Variants in RAB44 observed in about 807,000 individuals in gnomAD.
The protein encoded by RAB44 is RAB44, member RAS oncogene family.
RAB44 carries 67 observed loss-of-function variants against 93.3 expected under a neutral mutation model. The ratio of observed to expected loss-of-function variants is 0.72; its 90% confidence interval spans 0.59 to 0.88. The LOEUF (loss-of-function observed/expected upper bound fraction) is 0.88. Among genes scored for constraint, RAB44 ranks in the 40% least tolerant of loss-of-function variants. The probability of loss-of-function intolerance (pLI) is 0.00; values close to 1 mark genes in which losing one functional copy is unlikely to be tolerated. For missense variants in RAB44, 1,064 were observed against 1,261.7 expected, an observed-to-expected ratio of 0.84 and a Z score of 2.37; for synonymous variants, 427 against 520.3, an observed-to-expected ratio of 0.82 and a Z score of 2.44.
At position 36,712,822 on chromosome 6, in the gene RAB44, C is replaced by T. The variant is rs931488740; in HGVS notation, c.208-1006C>T. On this transcript the variant is annotated intron_variant, in intron 2 of 13. Transcript: ENST00000612677. ...AGATCACCAAATAGAACATAAAGAC[C>T]ATCACTGGTTTAGACCAGACCATCA... 6.6e-5 allele frequency among the ~76,000 whole-genome samples: 10 copies of T among 152,292 alleles called. No homozygotes were observed. The South Asian group carries it at 8.3e-4, about 13-fold the overall frequency.
At position 36,717,209 on chromosome 6, in the gene RAB44, C is replaced by A; in HGVS notation, c.495-64C>A. 8.2e-7 allele frequency: 1 copy of A among 1,226,854 alleles called. No homozygotes were observed. The highest frequency in any genetic ancestry group is 1.0e-6 in the Non-Finnish European group (1 of 983,630). The allele number at this position is 1,226,854 out of a possible 1,614,324, so 76.0% of individuals were successfully genotyped here. A position where few individuals can be genotyped will look rare whatever the true frequency, so the allele number is the denominator to read the frequency against. ...CAGTGAAAACTGAGGAGTGGGGCTC[C>A]CCTTGCTTCTCCATCCCACCTTGTG... On this transcript the variant is annotated intron_variant, in intron 4 of 13. Transcript: ENST00000612677. The surrounding 1 kb of genome is among the most constrained non-coding windows in gnomAD (Gnocchi z 4.1).
chr6:36,720,522 G>C lies in RAB44; in HGVS notation c.988G>C (p.Val330Leu). 8.1e-7 allele frequency: 1 copy of C among 1,234,016 alleles called. No individual in the cohort carries two copies. Among genetic ancestry groups the C allele is most frequent in the Non-Finnish European group, 1.0e-6 (1 of 988,290 alleles). 76.4% of individuals were successfully genotyped at this position (1,234,016 alleles called of 1,614,324 possible). The change falls in exon 8 of 14, where the codon GTG becomes CTG. Residue 330 changes from valine (V) to leucine (L), a missense_variant. By Grantham distance (32) the Val-to-Leu change is conservative. Transcript: ENST00000612677. Reference protein sequence around the residue: ...RGRLDAARGRVSWQVEEKLSF... With the variant: ...RGRLDAARGRLSWQVEEKLSF... ...GCGCCTGGACGCCGCCAGGGGCCGG[G>C]TGTCCTGGCAGGTGGAGGAGAAACT...
chr6:36,721,059 G>A lies in RAB44; in HGVS notation c.1017-92G>A, dbSNP rs1763062185. ...GACTGGGAGGAGACCTGGCCATGGG[G>A]AGAGCAAGGGATGGTGAGGGCTGCA... On this transcript the variant is annotated intron_variant, in intron 8 of 13. Coordinates refer to ENST00000612677, the MANE Select transcript of RAB44 (RefSeq NM_001257357.2). 7.7e-6 allele frequency: 9 copies of A among 1,165,254 alleles called. No homozygotes were observed. The African/African-American group carries it at 9.5e-5, about 12-fold the overall frequency. The allele number at this position is 1,165,254 out of a possible 1,614,324, so 72.2% of individuals were successfully genotyped here.
At chr6:36,699,628 C>T (rs990456333) in intron 1 of RAB44, among the ~76,000 whole-genome samples, 3 of 152,212 alleles carry the variant, frequency 2.0e-5, no homozygotes, top group South Asian at 4.1e-4. Flanking sequence ...CAGGGAAGAG[C>T]CACCTCTGTA....
chr6:36,720,081 G>T (rs1763032278), intron 7 of RAB44, among the ~76,000 whole-genome samples: 1 of 152,222 alleles, frequency 6.6e-6, no homozygotes, highest in Non-Finnish European at 1.5e-5. Context: ...AGGAGGGTGG[G>T]ATTTGGCTTG....
chr6:36,727,570 T>A lies in RAB44; in HGVS notation c.2682-7T>A. On this transcript the variant is annotated splice_polypyrimidine_tract_variant and splice_region_variant and intron_variant, in intron 10 of 13. Coordinates refer to ENST00000612677, the MANE Select transcript of RAB44 (RefSeq NM_001257357.2). ...CTGGTGTGGCCTCATGCAGACTCTC[T>A]GGGCAGGTACCACAGTATGACGCGA... 6.5e-7 allele frequency: 1 copy of A among 1,548,624 alleles called. No homozygotes were observed. The highest frequency in any genetic ancestry group is 8.7e-7 in the Non-Finnish European group (1 of 1,145,332).
rs1476584017 is a variant in RAB44 at position 36,731,383 on chromosome 6, G to A, written c.2976-620G>A. On this transcript the variant is annotated intron_variant, in intron 13 of 13. Coordinates refer to ENST00000612677, the MANE Select transcript of RAB44 (RefSeq NM_001257357.2). This position sits in a 1 kb window ranked among gnomAD's most constrained non-coding sequence, Gnocchi z 4.0. The stretch of plus-strand genomic sequence containing the variant: ...TGTCCAGGAAGGCAGGGCCATGTCT[G>A]TTTTGTTCAGCCCCTCTCCCCATAC... Among the ~76,000 whole-genome samples, 1 of 152,196 alleles carries A rather than the reference G, an allele frequency of 6.6e-6. No individual in the cohort carries two copies. The highest frequency in any genetic ancestry group is 2.1e-4 in the South Asian group (1 of 4,834).
rs1763109964 is a variant in RAB44 at position 36,722,294 on chromosome 6, C to T, written c.2160C>T (p.Leu720=). 6 of 1,308,300 alleles carry T rather than the reference C, an allele frequency of 4.6e-6. No individual in the cohort carries two copies. Among genetic ancestry groups the T allele is most frequent in the Non-Finnish European group, 5.8e-6 (6 of 1,030,746 alleles). The allele number at this position is 1,308,300 out of a possible 1,614,324, so 81.0% of individuals were successfully genotyped here. ...AGCAAGACTCTCTGCTTGTTTCTCT[C>T]CCATCTGCCACACCACAGGCTCAGG... ...LPQQDSLLVS[L]PSATPQAQVE... The change falls in exon 9 of 14, where the codon CTC becomes CTT. Residue 720 remains leucine, a synonymous_variant. Coordinates refer to ENST00000612677, the MANE Select transcript of RAB44 (RefSeq NM_001257357.2).
intron 9 of RAB44, among the ~76,000 whole-genome samples, chr6:36,723,142 G>C (rs897731800): frequency 5.3e-5 from 8 of 152,240 alleles, no homozygotes; most frequent in Admixed American, 1.3e-4. Flanking sequence ...CCTTGGGCAA[G>C]TTGGATATTT....
rs1562063334 is a variant in RAB44 at position 36,721,582 on chromosome 6, G to T, written c.1448G>T (p.Gly483Val). 29 of 1,234,414 alleles carry T rather than the reference G, an allele frequency of 2.3e-5. No homozygotes were observed. Among genetic ancestry groups the T allele is most frequent in the Admixed American group, 4.2e-5 (1 of 23,706 alleles). The allele number at this position is 1,234,414 out of a possible 1,614,324, so 76.5% of individuals were successfully genotyped here. A position where few individuals can be genotyped will look rare whatever the true frequency, so the allele number is the denominator to read the frequency against. ...ACACCCGAGGGCCGCCTCCTCTGGG[G>T]TCTCTCAGGAAGCCTGGTGGCACCT... The part of the protein sequence containing the change: ...GSTPEGRLLW[G>V]LSGSLVAPAF... The change falls in exon 9 of 14, where the codon GGT becomes GTT. Residue 483 changes from glycine to valine, a missense_variant. Gly to Val is a moderately radical substitution (Grantham distance 109). Coordinates refer to ENST00000612677, the MANE Select transcript of RAB44 (RefSeq NM_001257357.2).
At chr6:36,727,512 C>T (rs1483368537) in intron 10 of RAB44, 65 bp from the exon 11 acceptor site, 10 of 1,123,338 alleles carry the variant, frequency 8.9e-6, no homozygotes, top group Middle Eastern at 2.2e-4. Context: ...ACTTCTCCCA[C>T]TTTGCAGAGG....
chr6:36,732,304 A>T lies in RAB44; in HGVS notation c.*211A>T. ...GGCTTTGCTGAGTGAACAAGGCTTG[A>T]GGGGCAGGGGTATGGCAAAACTCTC... On this transcript the variant is annotated 3_prime_UTR_variant, in exon 14 of 14. Transcript: ENST00000612677. The T allele has an allele frequency of 9.1e-6, 3 of 328,540 alleles. No homozygotes were observed. The highest frequency in any genetic ancestry group is 4.9e-5 in the Admixed American group (1 of 20,270). The allele number at this position is 328,540 out of a possible 1,614,324, so 20.4% of individuals were successfully genotyped here. A position where few individuals can be genotyped will look rare whatever the true frequency, so the allele number is the denominator to read the frequency against.
At chr6:36,714,819 G>A (rs1762874952) in intron 3 of RAB44, among the ~76,000 whole-genome samples, 1 of 152,216 alleles carries the variant, frequency 6.6e-6, no homozygotes, top group South Asian at 2.1e-4. Flanking sequence ...TGCAAGGCCT[G>A]CACCATCCAG....
rs1447791637 is a variant in RAB44, at chr6:36,731,913, G to A, written c.2976-90G>A. 12 of 777,204 alleles carry A rather than the reference G, an allele frequency of 1.5e-5. No individual in the cohort carries two copies. The highest frequency in any genetic ancestry group is 8.5e-4 in the Middle Eastern group (2 of 2,366). 48.1% of individuals were successfully genotyped at this position (777,204 alleles called of 1,614,324 possible). On this transcript the variant is annotated intron_variant, in intron 13 of 13. Transcript: ENST00000612677. This position sits in a 1 kb window ranked among gnomAD's most constrained non-coding sequence, Gnocchi z 4.0. ...GAGCTGTTGTGGGGGTTGTGGGTGC[G>A]GCCTCCCACCCCCCAGCTGCACCCA...
chr6:36,730,712 G>A lies in RAB44; in HGVS notation c.2938G>A (p.Gly980Ser). The change falls in exon 13 of 14, where the codon GGT becomes AGT. Residue 980 changes from glycine to serine, a missense_variant. Transcript: ENST00000612677. ...TTTTGGGGAGTGCAGTGCCGCCTTG[G>A]GTCACAACATCCTGGAGCCTGTAGT... ...VYFGECSAAL[G>S]HNILEPVVNL... The A allele has an allele frequency of 8.1e-7, 1 of 1,234,296 alleles. No homozygotes were observed. The highest frequency in any genetic ancestry group is 1.0e-6 in the Non-Finnish European group (1 of 988,322). 76.5% of individuals were successfully genotyped at this position (1,234,296 alleles called of 1,614,324 possible). A position where few individuals can be genotyped will look rare whatever the true frequency, so the allele number is the denominator to read the frequency against.
intron 10 of RAB44, among the ~76,000 whole-genome samples, chr6:36,726,667 T>C (rs534372710): frequency 5.9e-5 from 9 of 152,308 alleles, no homozygotes; most frequent in Non-Finnish European, 1.3e-4. Flanking sequence ...GTATTCTCAC[T>C]TGTGTTATGA....
At chr6:36,707,692 C>T (rs1762682953) in intron 2 of RAB44, among the ~76,000 whole-genome samples, 1 of 152,184 alleles carries the variant, frequency 6.6e-6, no homozygotes, top group Non-Finnish European at 1.5e-5. Flanking sequence ...GAACCTGGTA[C>T]AGTCCTTTTT....
Position 36,718,074 on chromosome 6 carries a change from A to C in RAB44, c.688A>C (p.Met230Leu). Residue 230 changes from methionine (M) to leucine (L), a missense_variant, in exon 6 of 14, where the codon ATG (methionine) becomes CTG (leucine). By Grantham distance (15) the Met-to-Leu change is conservative (BLOSUM62 2). Coordinates refer to ENST00000612677, the MANE Select transcript of RAB44 (RefSeq NM_001257357.2). ...HREVQQLYEE[M>L]EQQIRQEKQQ... is the part of the protein sequence containing the mutation. ...CGAGGTCCAGCAGCTCTATGAGGAG[A>C]TGGAGCAGCAGATCCGCCAGGAGAA... is the stretch of plus-strand genomic sequence containing the variant. 8.1e-7 allele frequency: 1 copy of C among 1,231,978 alleles called. No individual in the cohort carries two copies. The highest frequency in any genetic ancestry group is 1.0e-6 in the Non-Finnish European group (1 of 987,954). 76.3% of individuals were successfully genotyped at this position (1,231,978 alleles called of 1,614,324 possible). A position where few individuals can be genotyped will look rare whatever the true frequency, so the allele number is the denominator to read the frequency against.
At chr6:36,711,882 G>A (rs1582620882) in intron 2 of RAB44, among the ~76,000 whole-genome samples, 1 of 147,866 alleles carries the variant, frequency 6.8e-6, no homozygotes, top group East Asian at 2.0e-4. Flanking sequence ...CAGCTTGAGT[G>A]ACAGAGTAAG....
Sources: gnomAD v4.1 joint callset for allele counts (sites outside exome capture counted in the v4.1 genomes callset) on GRCh38, gnomAD v4.1.1 for gene constraint, Gnocchi (gnomAD v3.1) non-coding constraint, MANE v1.5 for transcripts, NCBI Gene and HGNC (gene_info 2026-07-23, HGNC 2026-07-21) for gene names.